Variants in CDS1 observed in about 807,000 individuals in gnomAD.
CDS1 encodes the protein phosphatidate cytidylyltransferase 1.
In CDS1, 41 loss-of-function variants were observed where a neutral mutation model predicts 62.1. That is an observed-to-expected ratio of 0.66 (90% CI 0.51 to 0.86). CDS1 has a LOEUF of 0.86. Among genes scored for constraint, CDS1 ranks in the 40% least tolerant of loss-of-function variants. CDS1 has a pLI of 0.00. For synonymous variants in CDS1, 185 were observed against 192.6 expected (o/e 0.96, Z 0.32); for missense variants, 470 against 550.1 (o/e 0.85, Z 1.46).
chr4:84,589,224 A>G (rs531238681), intron 1 of CDS1, among the ~76,000 whole-genome samples: 26 of 152,370 alleles, frequency 1.7e-4, no homozygotes, highest in African/African-American at 6.3e-4. Context: ...AGAAATTAAC[A>G]TAGCTATAAT....
intron 3 of CDS1, among the ~76,000 whole-genome samples, chr4:84,614,307 C>T (rs1382079622): frequency 6.6e-6 from 1 of 152,090 alleles, no homozygotes; most frequent in East Asian, 1.9e-4. Context: ...TCTTTATAAT[C>T]ATTAGCTTTA....
At chr4:84,630,589 A>G (rs543044689) in intron 5 of CDS1, among the ~76,000 whole-genome samples, 15 of 152,304 alleles carry the variant, frequency 9.8e-5, no homozygotes, top group African/African-American at 3.4e-4. Flanking sequence ...TCTAGTATTT[A>G]TACAGAAATT....
intron 5 of CDS1, among the ~76,000 whole-genome samples, chr4:84,619,768 C>T (rs1723618176): frequency 6.6e-6 from 1 of 151,938 alleles, no homozygotes; most frequent in Admixed American, 6.6e-5. Flanking sequence ...TGCGGTGGCT[C>T]ACTCCTGTAA....
rs1724623475 is a variant in CDS1, at chr4:84,648,653, G to T, written c.1353G>T (p.Glu451Asp). The part of the protein sequence containing the change: ...IYKTLKTHLI[E>D]KGILQPTLKV ...AAACCCTGAAGACTCATCTCATTGAGAAAGGAATCCTACAACCCACCTTGA... is the reference window on the plus strand; with the variant it reads ...AAACCCTGAAGACTCATCTCATTGATAAAGGAATCCTACAACCCACCTTGA... The change falls in exon 13 of 13, where the codon GAG becomes GAT. Residue 451 changes from glutamate (E) to aspartate (D), a missense_variant. Transcript: ENST00000295887. 2 of 1,613,540 alleles carry T rather than the reference G, an allele frequency of 1.2e-6. No homozygotes were observed. Among genetic ancestry groups the T allele is most frequent in the Non-Finnish European group, 1.7e-6 (2 of 1,179,764 alleles).
intron 9 of CDS1, among the ~76,000 whole-genome samples, chr4:84,639,330 G>A (rs185110892): frequency 5.3e-5 from 8 of 152,242 alleles, no homozygotes; most frequent in African/African-American, 1.7e-4. Context: ...TGCCTTAGGC[G>A]GGGCACAAGT....
intron 5 of CDS1, among the ~76,000 whole-genome samples, chr4:84,622,410 G>A (rs564492022): frequency 1.2e-3 from 187 of 151,784 alleles, no homozygotes; most frequent in African/African-American, 3.7e-3. Flanking sequence ...CCAACATGGC[G>A]AAACCCGATC....
At chr4:84,600,097 C>T (rs1578021657) in intron 1 of CDS1, among the ~76,000 whole-genome samples, 1 of 152,158 alleles carries the variant, frequency 6.6e-6, no homozygotes, top group Admixed American at 6.5e-5. Flanking sequence ...GGTAGAATCA[C>T]ATTGTGATTT....
intron 5 of CDS1, among the ~76,000 whole-genome samples, chr4:84,625,794 G>A (rs1189524650): frequency 6.6e-6 from 1 of 151,576 alleles, no homozygotes; most frequent in East Asian, 1.9e-4. Context: ...GACTAGATAG[G>A]AAGTTACTAC....
At chr4:84,616,885 T>C (rs1465843772) in intron 3 of CDS1, among the ~76,000 whole-genome samples, 2 of 152,214 alleles carry the variant, frequency 1.3e-5, no homozygotes, top group African/African-American at 4.8e-5. Flanking sequence ...AGGTGTGCAA[T>C]CAGGACACTG....
At chr4:84,585,998 A>G (rs1386281901) in intron 1 of CDS1, among the ~76,000 whole-genome samples, 1 of 152,188 alleles carries the variant, frequency 6.6e-6, no homozygotes, top group Non-Finnish European at 1.5e-5. Context: ...GCTGGGAATG[A>G]AAAGATTCCT....
chr4:84,592,479 T>C (rs1722622677), intron 1 of CDS1, among the ~76,000 whole-genome samples: 2 of 152,150 alleles, frequency 1.3e-5, no homozygotes, highest in Admixed American at 6.5e-5. Context: ...AGCCAACCAA[T>C]TGGTTTTTGA....
chr4:84,613,241 CAT>C (rs769776869), intron 3 of CDS1, among the ~76,000 whole-genome samples: 9 of 152,030 alleles, frequency 5.9e-5, no homozygotes, highest in Non-Finnish European at 1.0e-4. Context: ...TTGAGAAGGA[CAT>C]GTTGTATCTA....
At chr4:84,618,970 A>G (rs1425791134) in intron 4 of CDS1, among the ~76,000 whole-genome samples, 1 of 152,038 alleles carries the variant, frequency 6.6e-6, no homozygotes. Context: ...CATTATACAT[A>G]CATACAAAGT....
At chr4:84,588,661 A>G (rs370390992) in intron 1 of CDS1, among the ~76,000 whole-genome samples, 1 of 152,182 alleles carries the variant, frequency 6.6e-6, no homozygotes, top group Admixed American at 6.5e-5. Flanking sequence ...TGCTGAGTCC[A>G]TTTCTGGATG....
intron 7 of CDS1, among the ~76,000 whole-genome samples, chr4:84,634,724 A>G (rs1724124291): frequency 6.6e-6 from 1 of 152,090 alleles, no homozygotes; most frequent in Non-Finnish European, 1.5e-5. Context: ...ATTGTCTTTC[A>G]TGTATTGTAC....
chr4:84,640,022 A>G (rs959164062), intron 9 of CDS1, among the ~76,000 whole-genome samples: 12 of 151,302 alleles, frequency 7.9e-5, no homozygotes, highest in Admixed American at 4.6e-4. Context: ...ACTTGAAAAT[A>G]CCACAGGAAT....
At chr4:84,619,616 T>C (rs1454196644) in intron 5 of CDS1, 83 bp downstream of exon 5, 2 of 855,022 alleles carry the variant, frequency 2.3e-6, no homozygotes, top group Non-Finnish European at 1.7e-6. Flanking sequence ...TAATTAGTAA[T>C]TTTTTGGTTA....
At chr4:84,619,362 A>G (rs948719922) in intron 4 of CDS1, 32 bp from the exon 5 acceptor site, 2 of 1,258,866 alleles carry the variant, frequency 1.6e-6, no homozygotes, top group Non-Finnish European at 2.2e-6. Flanking sequence ...AAAGCTTCAA[A>G]TATAGAAAAG....
chr4:84,613,492 C>T (rs1578032757), intron 3 of CDS1, among the ~76,000 whole-genome samples: 2 of 152,186 alleles, frequency 1.3e-5, no homozygotes, highest in East Asian at 3.9e-4. Context: ...CACCTGTAGT[C>T]CTAGCTACTC....
Sources: gnomAD v4.1 joint callset for allele counts (sites outside exome capture counted in the v4.1 genomes callset) on GRCh38, gnomAD v4.1.1 for gene constraint, MANE v1.5 for transcripts, NCBI Gene and HGNC (gene_info 2026-07-23, HGNC 2026-07-21) for gene names.